Variants in GPM6A observed in about 807,000 individuals in gnomAD.
GPM6A encodes the protein glycoprotein M6A.
In GPM6A, 7 loss-of-function variants were observed where a neutral mutation model predicts 32.1. The observed-to-expected ratio is 0.22, with a 90% CI of 0.12 to 0.41. GPM6A has a LOEUF of 0.41. Ranked by LOEUF, GPM6A falls within the 10% of genes least tolerant of loss-of-function variation. The pLI, the probability that GPM6A is intolerant of heterozygous loss-of-function variation, is 1.00. For synonymous variants in GPM6A, 130 were observed against 123.4 expected, an observed-to-expected ratio of 1.05 and a Z score of -0.35; for missense variants, 235 against 347.2, an observed-to-expected ratio of 0.68 and a Z score of 2.57.
chr4:175,879,434 C>T (rs1366179829), intron 1 of GPM6A, among the ~76,000 whole-genome samples: 1 of 152,052 alleles, frequency 6.6e-6, no homozygotes, highest in Admixed American at 6.6e-5. Context: ...GAGGGGGAGG[C>T]CTCAGGAAAC....
At chr4:175,673,654 A>G (rs1440112222) in intron 3 of GPM6A, 26 bp downstream of exon 3, 1 of 1,542,876 alleles carries the variant, frequency 6.5e-7, no homozygotes, top group Non-Finnish European at 8.9e-7. Context: ...TCCACATTAA[A>G]TACTGAATGT....
chr4:175,901,777 C>A (rs1347259398), intron 1 of GPM6A, among the ~76,000 whole-genome samples: 2 of 151,566 alleles, frequency 1.3e-5, no homozygotes, highest in South Asian at 2.1e-4. Flanking sequence ...CAGGCACCAG[C>A]CACCACGCCC....
At chr4:175,956,580 AG>A (rs1392941982) in intron 1 of GPM6A, among the ~76,000 whole-genome samples, 1 of 152,176 alleles carries the variant, frequency 6.6e-6, no homozygotes, top group African/African-American at 2.4e-5. Flanking sequence ...AAATTTTTGA[AG>A]TACTTAGTTG....
intron 1 of GPM6A, among the ~76,000 whole-genome samples, chr4:175,969,123 T>G (rs1298364503): frequency 6.6e-6 from 1 of 152,204 alleles, no homozygotes; most frequent in Admixed American, 6.5e-5. Context: ...TAAGGAATCT[T>G]AAATACATAT....
chr4:175,659,266 G>A (rs1248611513), intron 3 of GPM6A, among the ~76,000 whole-genome samples: 1 of 151,888 alleles, frequency 6.6e-6, no homozygotes, highest in African/African-American at 2.4e-5. Flanking sequence ...GTGTAGTAGA[G>A]ACGCGGTTTC....
chr4:175,715,005 A>G (rs1202409373), intron 1 of GPM6A, among the ~76,000 whole-genome samples: 1 of 151,924 alleles, frequency 6.6e-6, no homozygotes, highest in East Asian at 1.9e-4. Context: ...AAAAAAAAAA[A>G]AAAAAAACTA....
At chr4:175,977,916 C>G (rs1740707221) in intron 1 of GPM6A, among the ~76,000 whole-genome samples, 1 of 152,146 alleles carries the variant, frequency 6.6e-6, no homozygotes, top group Non-Finnish European at 1.5e-5. Context: ...AGTAGTCTCC[C>G]TTCGCATGCG....
chr4:175,924,417 G>T (rs776663485), intron 1 of GPM6A, among the ~76,000 whole-genome samples: 42 of 152,156 alleles, frequency 2.8e-4, no homozygotes, highest in Non-Finnish European at 3.7e-4. Context: ...GCTAAAGACT[G>T]CGAAAGGAAC....
At chr4:175,767,040 C>T (rs1205264122) in intron 1 of GPM6A, among the ~76,000 whole-genome samples, 2 of 152,042 alleles carry the variant, frequency 1.3e-5, no homozygotes, top group African/African-American at 4.8e-5. Context: ...TCAGCCATTG[C>T]CTTTCAGGAC....
intron 1 of GPM6A, among the ~76,000 whole-genome samples, chr4:175,734,920 C>T (rs1283979265): frequency 6.6e-6 from 1 of 152,102 alleles, no homozygotes; most frequent in Admixed American, 6.6e-5. Context: ...CTTTTATACC[C>T]TTGAGAATGA....
chr4:175,741,327 C>A (rs1278105442), intron 1 of GPM6A, among the ~76,000 whole-genome samples: 2 of 152,038 alleles, frequency 1.3e-5, no homozygotes, highest in Admixed American at 6.6e-5. Flanking sequence ...GCCTCTTCAT[C>A]CCTACCATCT....
chr4:175,701,832 A>G, intron 1 of GPM6A, 65 bp from the exon 2 acceptor site: 1 of 1,146,620 alleles, frequency 8.7e-7, no homozygotes, highest in Non-Finnish European at 1.3e-6. Flanking sequence ...TTTTTTTCAA[A>G]CTTCAGCACT....
At chr4:175,822,820 C>T (rs991860509) in intron 1 of GPM6A, among the ~76,000 whole-genome samples, 3 of 152,102 alleles carry the variant, frequency 2.0e-5, no homozygotes, top group African/African-American at 4.8e-5. Context: ...TAGTGTTCTC[C>T]CTCCCCTTGC....
intron 1 of GPM6A, among the ~76,000 whole-genome samples, chr4:175,701,976 A>G (rs1026988438): frequency 6.6e-6 from 1 of 152,196 alleles, no homozygotes; most frequent in Non-Finnish European, 1.5e-5. Flanking sequence ...GTTTGCCATG[A>G]CTGATGTCTT....
intron 1 of GPM6A, among the ~76,000 whole-genome samples, chr4:175,730,113 C>G (rs963227135): frequency 6.6e-6 from 1 of 151,938 alleles, no homozygotes; most frequent in Non-Finnish European, 1.5e-5. Flanking sequence ...ATATAAAACT[C>G]TCCTTTACTC....
chr4:175,830,930 T>C (rs942335392), intron 1 of GPM6A, among the ~76,000 whole-genome samples: 3 of 152,186 alleles, frequency 2.0e-5, no homozygotes, highest in African/African-American at 7.2e-5. Flanking sequence ...ACAACTTTGA[T>C]TTAATTGGAC....
intron 2 of GPM6A, among the ~76,000 whole-genome samples, chr4:175,700,856 C>T (rs934077736): frequency 2.6e-5 from 4 of 152,052 alleles, no homozygotes; most frequent in African/African-American, 4.8e-5. Flanking sequence ...TAGCAATAAA[C>T]GTTTCTAGAA....
At chr4:175,786,266 T>C (rs1041693868) in intron 1 of GPM6A, among the ~76,000 whole-genome samples, 15 of 151,596 alleles carry the variant, frequency 9.9e-5, no homozygotes, top group African/African-American at 3.4e-4. Flanking sequence ...ACACCATCTT[T>C]TTTGAAGGTC....
At chr4:175,771,298 C>A (rs1416479972) in intron 1 of GPM6A, among the ~76,000 whole-genome samples, 1 of 152,068 alleles carries the variant, frequency 6.6e-6, no homozygotes, top group Non-Finnish European at 1.5e-5. Flanking sequence ...CATGGCCAGG[C>A]GCGGTGGCTG....
Sources: allele counts gnomAD v4.1 joint callset (sites outside exome capture counted in the v4.1 genomes callset), GRCh38; gene constraint gnomAD v4.1.1; transcripts MANE v1.5; gene names NCBI Gene and HGNC (gene_info 2026-07-23, HGNC 2026-07-21).